The following ZBTB34 variants were observed in gnomAD, a reference collection of about 807,000 sequenced individuals.
ZBTB34 encodes zinc finger and BTB domain-containing protein 34.
A neutral mutation model predicts 33.4 loss-of-function variants in ZBTB34; 1 was observed. The ratio of observed to expected loss-of-function variants is 0.03; its 90% CI spans 0.01 to 0.14. ZBTB34 has a LOEUF of 0.14. ZBTB34 is among the 10% of genes least tolerant of loss of function. ZBTB34 has a pLI of 1.00. For synonymous variants in ZBTB34, 283 were observed against 253.5 expected, an observed-to-expected ratio of 1.12 and a Z score of -1.11; for missense variants, 406 against 657.2, an observed-to-expected ratio of 0.62 and a Z score of 4.18.
chr9:126,860,834 C>T (rs932015122), intron 1 of ZBTB34, 95 bp downstream of exon 1: 7 of 146,776 alleles, frequency 4.8e-5, no homozygotes, highest in East Asian at 2.0e-4. Flanking sequence ...GGGCCGCTGT[C>T]CGGCTCCCTC....
exon 2 of ZBTB34, chr9:126,883,601 T>G (rs1469965824): frequency 6.0e-6 from 1 of 167,130 alleles, no homozygotes; most frequent in Non-Finnish European, 1.5e-5. Flanking sequence ...GAAAATTGAT[T>G]GAGTTTCTCT....
chr9:126,882,155 T>G (rs1181132910), exon 2 of ZBTB34: 1 of 167,126 alleles, frequency 6.0e-6, no homozygotes, highest in Admixed American at 6.5e-5. Context: ...TCCCCCACTC[T>G]CTCAGTGTTT....
chr9:126,880,145 G>A lies in ZBTB34; in HGVS notation c.746G>A (p.Ser249Asn). 1 of 1,613,770 alleles carries A rather than the reference G, an allele frequency of 6.2e-7. No individual in the cohort carries two copies. The highest frequency in any genetic ancestry group is 1.3e-5 in the African/African-American group (1 of 75,046). The change falls in exon 2 of 2, where the codon AGC (serine) becomes AAC (asparagine). Residue 249 changes from serine (S) to asparagine (N), a missense_variant. By Grantham distance (46) the Ser-to-Asn change is conservative (BLOSUM62 1). This residue lies in a region of ZBTB34 where 137 missense variants were observed against 173.0 expected (regional missense o/e 0.79). Coordinates refer to ENST00000319119, the Ensembl canonical transcript of ZBTB34. The surrounding 1 kb of genome is among the most constrained non-coding windows in gnomAD (Gnocchi z 6.7). ...AAGATGGAGAAGTCCGACCGGCCCAGCTGTTCCGACAGCTCCTCCCTGGGT... is the reference window on the plus strand; with the variant it reads ...AAGATGGAGAAGTCCGACCGGCCCAACTGTTCCGACAGCTCCTCCCTGGGT...
At chr9:126,868,128 G>A (rs1361262842) in intron 1 of ZBTB34, among the ~76,000 whole-genome samples, 1 of 152,130 alleles carries the variant, frequency 6.6e-6, no homozygotes, top group East Asian at 1.9e-4. Flanking sequence ...TTTGTCGAGT[G>A]GCTTTTTGTT....
rs1273306147 is a variant in ZBTB34 at position 126,867,766 on chromosome 9, T to G, written c.-11+7027T>G. Among the ~76,000 whole-genome samples, 7 of 137,244 alleles carry G rather than the reference T, an allele frequency of 5.1e-5. No individual in the cohort carries two copies. The East Asian group carries it at 8.0e-4, about 16-fold the overall frequency. 90.0% of individuals were successfully genotyped at this position (137,244 alleles called of 152,430 possible). ...ACCCATGTTGTCTTTCATTTTTTTGTTTTTTTTTTTTTGGTGATAAGTCTT... is the reference window on the plus strand; with the variant it reads ...ACCCATGTTGTCTTTCATTTTTTTGGTTTTTTTTTTTTGGTGATAAGTCTT... On this transcript the variant is annotated intron_variant, in intron 1 of 1. Coordinates refer to ENST00000319119, the Ensembl canonical transcript of ZBTB34.
At chr9:126,861,144 T>TG (rs1486757265) in intron 1 of ZBTB34, among the ~76,000 whole-genome samples, 1 of 151,888 alleles carries the variant, frequency 6.6e-6, no homozygotes, top group Non-Finnish European at 1.5e-5. Flanking sequence ...GGAGGGCAGA[T>TG]GGTTGAGTTC....
At chr9:126,873,256 T>C (rs1041428349) in intron 1 of ZBTB34, among the ~76,000 whole-genome samples, 1 of 152,148 alleles carries the variant, frequency 6.6e-6, no homozygotes, top group African/African-American at 2.4e-5. Flanking sequence ...GTATTTTGTC[T>C]CATGTTTATG....
chr9:126,864,128 T>C (rs2033173838), intron 1 of ZBTB34, among the ~76,000 whole-genome samples: 1 of 152,206 alleles, frequency 6.6e-6, no homozygotes, highest in Non-Finnish European at 1.5e-5. Context: ...CTCACCAGTA[T>C]GCCTGGATTA....
At chr9:126,863,953 G>T (rs1343982642) in intron 1 of ZBTB34, among the ~76,000 whole-genome samples, 3 of 152,142 alleles carry the variant, frequency 2.0e-5, no homozygotes, top group East Asian at 1.9e-4. Flanking sequence ...ATTTTGCAAA[G>T]AAATGACTGC....
intron 1 of ZBTB34, among the ~76,000 whole-genome samples, chr9:126,866,521 T>A (rs1320310342): frequency 1.3e-5 from 2 of 152,216 alleles, no homozygotes; most frequent in Non-Finnish European, 2.9e-5. Flanking sequence ...AGTGTTCTTT[T>A]TTTTCCCTTT....
intron 1 of ZBTB34, among the ~76,000 whole-genome samples, chr9:126,869,205 C>G (rs1286684094): frequency 7.4e-6 from 1 of 134,890 alleles, no homozygotes; most frequent in African/African-American, 2.7e-5. Flanking sequence ...ACCCCCCACC[C>G]CATCTCCATC....
intron 1 of ZBTB34, among the ~76,000 whole-genome samples, chr9:126,861,676 C>T (rs774553640): frequency 6.6e-6 from 1 of 152,174 alleles, no homozygotes; most frequent in Non-Finnish European, 1.5e-5. Context: ...CACCTTAATC[C>T]TCATTCATCC....
chr9:126,865,948 G>A lies in ZBTB34; in HGVS notation c.-11+5209G>A, dbSNP rs2033194658. On this transcript the variant is annotated intron_variant, in intron 1 of 1. Coordinates refer to ENST00000319119, the Ensembl canonical transcript of ZBTB34. The stretch of plus-strand genomic sequence containing the variant: ...TACAGTGAGCCGAGATTGCACCACT[G>A]CACTCCAGCCTGGGCACAGAGCAAG... Among the ~76,000 whole-genome samples the A allele has an allele frequency of 2.0e-5, 3 of 152,182 alleles. No individual in the cohort carries two copies. The South Asian group carries it at 6.2e-4, about 31-fold the overall frequency.
intron 1 of ZBTB34, among the ~76,000 whole-genome samples, chr9:126,878,763 C>G (rs1356802719): frequency 6.6e-6 from 1 of 150,498 alleles, no homozygotes; most frequent in Non-Finnish European, 1.5e-5. Context: ...TCACTCTGTC[C>G]GCTAGGCTGG....
At chr9:126,866,159 C>T (rs987245981) in intron 1 of ZBTB34, among the ~76,000 whole-genome samples, 2 of 151,762 alleles carry the variant, frequency 1.3e-5, no homozygotes, top group African/African-American at 4.8e-5. Flanking sequence ...CTCATTTTAC[C>T]AAAACGATCC....
At chr9:126,860,913 G>GCCGAGGCCGGGCGGGGT (rs931784029) in intron 1 of ZBTB34, among the ~76,000 whole-genome samples, 174 bp downstream of exon 1, 1 of 149,856 alleles carries the variant, frequency 6.7e-6, no homozygotes, top group African/African-American at 2.4e-5. Flanking sequence ...GCGGGCGGGA[G>GCCGAGGCCGGGCGGGGT]CCGAGGCCGG....
chr9:126,882,082 T>C (rs981975143), exon 2 of ZBTB34: 1 of 167,024 alleles, frequency 6.0e-6, no homozygotes, highest in African/African-American at 2.4e-5. Flanking sequence ...AGCTATACTC[T>C]ATGGGAATTG....
At chr9:126,870,764 T>C (rs969458524) in intron 1 of ZBTB34, among the ~76,000 whole-genome samples, 11 of 152,188 alleles carry the variant, frequency 7.2e-5, no homozygotes, top group Admixed American at 7.2e-4. Flanking sequence ...CCGTCTCTAC[T>C]AAAAATACAA....
chr9:126,864,070 T>C (rs1301620918), intron 1 of ZBTB34, among the ~76,000 whole-genome samples: 2 of 152,238 alleles, frequency 1.3e-5, no homozygotes, highest in Non-Finnish European at 2.9e-5. Context: ...ATTCTCTTTC[T>C]ACTCGGAGTT....
Sources: allele counts gnomAD v4.1 joint callset (sites outside exome capture counted in the v4.1 genomes callset), GRCh38; gene constraint gnomAD v4.1.1; regional missense constraint gnomAD v4.1.1; non-coding constraint Gnocchi (gnomAD v3.1); transcripts MANE v1.5; gene names NCBI Gene and HGNC (gene_info 2026-07-23, HGNC 2026-07-21).